RFTN2: variants seen among roughly 807,000 people sequenced by gnomAD.
The protein encoded by RFTN2 is raftlin family member 2.
In RFTN2, 34 loss-of-function variants were observed where a neutral mutation model predicts 52.7. The observed-to-expected ratio is 0.64, with a 90% CI of 0.49 to 0.86. The LOEUF (loss-of-function observed/expected upper bound fraction) is 0.86, where lower values mean the gene tolerates loss of function less well. Ranked by LOEUF, RFTN2 falls within the 40% of genes least tolerant of loss-of-function variation. The pLI is 0.00. For synonymous variants in RFTN2, 203 were observed against 217.7 expected (o/e 0.93, Z 0.59); for missense variants, 536 against 600.1 (o/e 0.89, Z 1.12).
At chr2:197,623,663 ATTAT>A (rs901393360) in intron 5 of RFTN2, among the ~76,000 whole-genome samples, 4 of 150,274 alleles carry the variant, frequency 2.7e-5, no homozygotes, top group African/African-American at 9.8e-5. Context: ...ATTTTAATTT[ATTAT>A]TTATTTATTT....
rs142637226 is a variant in RFTN2 at position 197,655,817 on chromosome 2, C to T, written c.140-9151G>A. Among the ~76,000 whole-genome samples, 1,388 of 151,902 alleles carry T rather than the reference C, an allele frequency of 9.1e-3. 15 individuals are homozygous for T. The highest frequency in any genetic ancestry group is 0.032 in the African/African-American group (1,338 of 41,400). On this transcript the variant is annotated intron_variant, in intron 1 of 8. Transcript: ENST00000295049. ...CCAGCCTGGGAACAGAGTGAGACTC[C>T]GTCTCAAAAAAAAACAAAACAACTC...
intron 1 of RFTN2, among the ~76,000 whole-genome samples, chr2:197,672,206 T>C (rs1471322380): frequency 6.6e-6 from 1 of 152,156 alleles, no homozygotes; most frequent in African/African-American, 2.4e-5. Context: ...TCCAGAAAAA[T>C]TCGGCCTACC....
At chr2:197,672,329 C>T (rs761323228) in intron 1 of RFTN2, among the ~76,000 whole-genome samples, 4 of 152,104 alleles carry the variant, frequency 2.6e-5, no homozygotes, top group Admixed American at 6.5e-5. Context: ...ACACATTTGT[C>T]GAGTTGTAGT....
chr2:197,631,441 G>C (rs1018549648), intron 4 of RFTN2, among the ~76,000 whole-genome samples: 2 of 152,112 alleles, frequency 1.3e-5, no homozygotes, highest in African/African-American at 4.8e-5. Context: ...CTATTCTCCA[G>C]AAATAAGTAC....
Position 197,675,518 on chromosome 2 carries a change from G to C in RFTN2, c.-60C>G. On this transcript the variant is annotated 5_prime_UTR_variant, in exon 1 of 9. Coordinates refer to ENST00000295049, the MANE Select transcript of RFTN2 (RefSeq NM_144629.3). The stretch of plus-strand genomic sequence containing the variant: ...GGGAGGGAGAGCAGCAAATTCTGTT[G>C]TTTAAGCTGCAAAAAGAAAGTTACA... 9.8e-7 allele frequency: 1 copy of C among 1,021,970 alleles called. No homozygotes were observed. Among genetic ancestry groups the C allele is most frequent in the Non-Finnish European group, 1.2e-6 (1 of 819,226 alleles). The allele number at this position is 1,021,970 out of a possible 1,614,324, so 63.3% of individuals were successfully genotyped here. A position where few individuals can be genotyped will look rare whatever the true frequency, so the allele number is the denominator to read the frequency against.
rs1574710678 is a variant in RFTN2, at chr2:197,617,791, G to T, written c.1050+9C>A. The T allele has an allele frequency of 9.2e-6, 13 of 1,420,436 alleles. No individual in the cohort carries two copies. In the East Asian group the frequency reaches 3.4e-4, roughly 38 times the overall value. The allele number at this position is 1,420,436 out of a possible 1,614,324, so 88.0% of individuals were successfully genotyped here. ...TGTAAAGCTAAATTGTCAGAAAACT[G>T]CAGCTCACCTCAATAACAGTCCATT... On this transcript the variant is annotated intron_variant, in intron 6 of 8. Transcript: ENST00000295049.
intron 7 of RFTN2, among the ~76,000 whole-genome samples, chr2:197,612,342 T>C (rs1205355509): frequency 6.6e-6 from 1 of 152,170 alleles, no homozygotes; most frequent in African/African-American, 2.4e-5. Flanking sequence ...TGAAAGTGCA[T>C]AAAAATTGCT....
At chr2:197,574,929 G>A (rs1053636323) in intron 8 of RFTN2, among the ~76,000 whole-genome samples, 2 of 152,140 alleles carry the variant, frequency 1.3e-5, no homozygotes, top group African/African-American at 4.8e-5. Context: ...TGTTAGGTAG[G>A]CATGATTGGT....
intron 7 of RFTN2, among the ~76,000 whole-genome samples, chr2:197,599,795 T>C (rs1255131256): frequency 2.6e-5 from 4 of 152,110 alleles, no homozygotes; most frequent in Non-Finnish European, 5.9e-5. Flanking sequence ...ATCCCTCCTG[T>C]GGTGTGAAGG....
chr2:197,619,123 C>T (rs1365392164), intron 5 of RFTN2, among the ~76,000 whole-genome samples: 8 of 148,504 alleles, frequency 5.4e-5, no homozygotes, highest in African/African-American at 2.0e-4. Flanking sequence ...CCGCCCCGTC[C>T]GGGAGGGAGG....
At chr2:197,613,159 AT>A (rs2088091071) in intron 7 of RFTN2, among the ~76,000 whole-genome samples, 1 of 152,156 alleles carries the variant, frequency 6.6e-6, no homozygotes, top group Non-Finnish European at 1.5e-5. Flanking sequence ...AAACATCCTG[AT>A]TTAGGACAGG....
intron 8 of RFTN2, among the ~76,000 whole-genome samples, chr2:197,590,698 G>C (rs1272164359): frequency 6.6e-6 from 1 of 152,092 alleles, no homozygotes; most frequent in Non-Finnish European, 1.5e-5. Flanking sequence ...TGGTGGGTTC[G>C]TGGTCTCGCT....
At chr2:197,640,091 C>A (rs1243575068) in intron 3 of RFTN2, among the ~76,000 whole-genome samples, 1 of 152,192 alleles carries the variant, frequency 6.6e-6, no homozygotes, top group Non-Finnish European at 1.5e-5. Flanking sequence ...AGGGAGTCTG[C>A]CCGTTCTCAG....
rs1170381823 is a variant in RFTN2, at chr2:197,638,759, T to C, written c.439-4762A>G. On this transcript the variant is annotated intron_variant, in intron 3 of 8. Coordinates refer to ENST00000295049, the MANE Select transcript of RFTN2 (RefSeq NM_144629.3). The stretch of plus-strand genomic sequence containing the variant: ...TTTACATTTAAAGTTAATATTGTTA[T>C]GTGTGAATTTGATCCTGTCATTATG... Among the ~76,000 whole-genome samples, 675 of 123,284 alleles carry C rather than the reference T, an allele frequency of 5.5e-3. 2 individuals are homozygous for C. The highest frequency in any genetic ancestry group is 9.5e-3 in the Non-Finnish European group (563 of 59,128). The allele number at this position is 123,284 out of a possible 152,430, so 80.9% of individuals were successfully genotyped here.
rs1438405615 is a variant in RFTN2 at position 197,626,656 on chromosome 2, C to T, written c.928+4355G>A. ...TTTTTTTTTGAGACGGAGTCTTGCA[C>T]TGTCGCCTGGGCTAGAGTGCAGTGG... On this transcript the variant is annotated intron_variant, in intron 5 of 8. Transcript: ENST00000295049. Among the ~76,000 whole-genome samples the T allele has an allele frequency of 5.1e-5, 6 of 117,426 alleles. No individual in the cohort carries two copies. The South Asian group carries it at 1.5e-3, about 29-fold the overall frequency. 77.0% of individuals were successfully genotyped at this position (117,426 alleles called of 152,430 possible).
At chr2:197,626,614 C>T (rs1373264621) in intron 5 of RFTN2, among the ~76,000 whole-genome samples, 15 of 97,634 alleles carry the variant, frequency 1.5e-4, no homozygotes, top group African/African-American at 2.1e-4. Flanking sequence ...AAGGAATAAT[C>T]TTCTTTTTTT....
intron 1 of RFTN2, among the ~76,000 whole-genome samples, chr2:197,664,595 C>A (rs561625502): frequency 2.8e-4 from 43 of 151,788 alleles, no homozygotes; most frequent in African/African-American, 8.7e-4. Flanking sequence ...CAGAGTGAGA[C>A]CCCTAGTTCT....
intron 8 of RFTN2, among the ~76,000 whole-genome samples, chr2:197,581,766 C>T (rs1031539697): frequency 2.4e-4 from 37 of 152,306 alleles, no homozygotes; most frequent in Middle Eastern, 3.4e-3. Context: ...ATCTCTCAAA[C>T]CCCAACCCCT....
Position 197,631,255 on chromosome 2 carries a change from A to G in RFTN2, c.719-35T>C, listed in dbSNP as rs74467653. On this transcript the variant is annotated intron_variant, in intron 4 of 8. Transcript: ENST00000295049. ...CAGAAGGAGAAAAAAGGGGAAAATT[A>G]TAATTTTGTTGATCAAAGATTCTTA... 3,988 of 1,476,254 alleles carry G rather than the reference A, an allele frequency of 2.7e-3. 107 individuals are homozygous for G. In the African/African-American group the frequency reaches 0.049, roughly 18 times the overall value. 91.4% of individuals were successfully genotyped at this position (1,476,254 alleles called of 1,614,324 possible).
Sources: gnomAD v4.1 joint callset for allele counts (sites outside exome capture counted in the v4.1 genomes callset) on GRCh38, gnomAD v4.1.1 for gene constraint, MANE v1.5 for transcripts, NCBI Gene and HGNC (gene_info 2026-07-23, HGNC 2026-07-21) for gene names.